Variants in CSMD3 observed in about 807,000 individuals in gnomAD.
CSMD3 encodes CUB and Sushi multiple domains 3.
Under a neutral mutation model 435.2 loss-of-function variants are expected in CSMD3, and 177 were observed. The ratio of observed to expected loss-of-function variants is 0.41; its 90% CI spans 0.36 to 0.46. The LOEUF (loss-of-function observed/expected upper bound fraction) is 0.46, where lower values mean the gene tolerates loss of function less well. Among genes scored for constraint, CSMD3 ranks in the 20% least tolerant of loss-of-function variants. CSMD3 has a pLI of 0.34. For synonymous variants in CSMD3, 1,656 were observed against 1,520.5 expected, an observed-to-expected ratio of 1.09 and a Z score of -2.07; for missense variants, 4,265 against 4,504.6, an observed-to-expected ratio of 0.95 and a Z score of 1.52.
At chr8:112,432,565 G>A (rs541405541) in intron 32 of CSMD3, among the ~76,000 whole-genome samples, 1 of 151,958 alleles carries the variant, frequency 6.6e-6, no homozygotes, top group East Asian at 1.9e-4. Flanking sequence ...CTCCTGCCTT[G>A]TCCACCCAAA....
At chr8:112,650,076 T>C (rs2075085487) in intron 19 of CSMD3, 85 bp downstream of exon 19, 5 of 961,610 alleles carry the variant, frequency 5.2e-6, no homozygotes, top group South Asian at 1.4e-5. Flanking sequence ...AAAATATTTA[T>C]AATTATGTTA....
At chr8:113,116,326 A>G (rs914830129) in intron 4 of CSMD3, among the ~76,000 whole-genome samples, 4 of 152,068 alleles carry the variant, frequency 2.6e-5, no homozygotes, top group African/African-American at 9.7e-5. Flanking sequence ...ATGGTTATAT[A>G]AGGAGTTTAT....
At chr8:112,359,958 T>C (rs899420961) in intron 38 of CSMD3, among the ~76,000 whole-genome samples, 1 of 152,092 alleles carries the variant, frequency 6.6e-6, no homozygotes, top group Non-Finnish European at 1.5e-5. Context: ...TAAGAAGAGA[T>C]AGAAATTGCC....
At chr8:112,840,897 T>C (rs2080159716) in intron 11 of CSMD3, among the ~76,000 whole-genome samples, 1 of 151,726 alleles carries the variant, frequency 6.6e-6, no homozygotes, top group East Asian at 1.9e-4. Flanking sequence ...AAAATATGAC[T>C]CTTTACCAGC....
intron 1 of CSMD3, among the ~76,000 whole-genome samples, chr8:113,413,519 C>T (rs2094568624): frequency 1.3e-5 from 2 of 152,030 alleles, no homozygotes; most frequent in Non-Finnish European, 2.9e-5. Flanking sequence ...TAATGGGAAA[C>T]CTGGGATTTT....
At chr8:113,119,646 TGAC>T (rs551234044) in intron 4 of CSMD3, among the ~76,000 whole-genome samples, 21 of 152,260 alleles carry the variant, frequency 1.4e-4, no homozygotes, top group African/African-American at 4.8e-4. Context: ...GAAGAATACA[TGAC>T]AACAATAAAC....
At position 112,348,342 on chromosome 8, in the gene CSMD3, G is replaced by T. The variant is rs6995979; in HGVS notation, c.6326-2129C>A. Among the ~76,000 whole-genome samples, 855 of 152,212 alleles carry T rather than the reference G, an allele frequency of 5.6e-3. 10 individuals carry two copies. Among genetic ancestry groups the T allele is most frequent in the African/African-American group, 0.019 (803 of 41,526 alleles). On this transcript the variant is annotated intron_variant, in intron 40 of 70. Coordinates refer to ENST00000297405, the MANE Select transcript of CSMD3 (RefSeq NM_198123.2). ...CAACTTCTGTTTTTTCATCTTAGTT[G>T]TCTCTAATATCTAAAATCTCACATA... is the stretch of plus-strand genomic sequence containing the variant.
intron 2 of CSMD3, among the ~76,000 whole-genome samples, chr8:113,290,501 T>C (rs2093678870): frequency 6.6e-6 from 1 of 151,698 alleles, no homozygotes. Flanking sequence ...CCAATAACAC[T>C]TTCTTATAAA....
chr8:112,475,472 A>G (rs2130770907), intron 31 of CSMD3, among the ~76,000 whole-genome samples: 1 of 152,230 alleles, frequency 6.6e-6, no homozygotes, highest in African/African-American at 2.4e-5. Context: ...ATGAGTGCCT[A>G]CAGCGTGGCC....
At chr8:112,712,795 T>TAA (rs200364867) in intron 13 of CSMD3, among the ~76,000 whole-genome samples, 9 of 137,766 alleles carry the variant, frequency 6.5e-5, no homozygotes, top group African/African-American at 1.8e-4. Flanking sequence ...GAATCAAAAA[T>TAA]AAAAAAAAAA....
intron 1 of CSMD3, among the ~76,000 whole-genome samples, chr8:113,421,908 C>T (rs1056864179): frequency 2.0e-5 from 3 of 152,138 alleles, no homozygotes; most frequent in Non-Finnish European, 2.9e-5. Context: ...TGCCCAAGGA[C>T]AGGTTTGAGT....
intron 12 of CSMD3, among the ~76,000 whole-genome samples, chr8:112,813,131 C>T (rs1487246826): frequency 1.3e-5 from 2 of 152,060 alleles, no homozygotes; most frequent in Non-Finnish European, 2.9e-5. Context: ...GGCGGCTGAC[C>T]ACAGTGAGTG....
At chr8:112,797,441 A>G (rs1036477400) in intron 13 of CSMD3, among the ~76,000 whole-genome samples, 2 of 151,916 alleles carry the variant, frequency 1.3e-5, no homozygotes, top group East Asian at 1.9e-4. Flanking sequence ...GTAAAACACA[A>G]TTTAGGAATA....
chr8:113,376,993 G>A (rs1229142726), intron 1 of CSMD3: 12 of 1,120,260 alleles, frequency 1.1e-5, no homozygotes, highest in Admixed American at 6.7e-5. Context: ...GACCAGCCGG[G>A]CCCGCAGCCA....
At chr8:113,139,310 T>G (rs28624650) in intron 4 of CSMD3, among the ~76,000 whole-genome samples, 22,853 of 150,880 alleles carry the variant, frequency 0.15, 3,348 homozygotes, top group African/African-American at 0.38. Context: ...TACCTTGAAT[T>G]TTTTAAATTA....
intron 32 of CSMD3, among the ~76,000 whole-genome samples, chr8:112,413,398 T>C (rs1811564397): frequency 6.6e-6 from 1 of 152,370 alleles, no homozygotes; most frequent in South Asian, 2.1e-4. Context: ...TTCTATTCTC[T>C]ATCAAACCCT....
intron 32 of CSMD3, among the ~76,000 whole-genome samples, chr8:112,469,569 A>T (rs535482894): frequency 6.6e-6 from 1 of 152,164 alleles, no homozygotes; most frequent in Non-Finnish European, 1.5e-5. Flanking sequence ...TCAGATCATC[A>T]GGCATTAGTT....
chr8:113,264,490 C>A (rs1212801417), intron 3 of CSMD3, among the ~76,000 whole-genome samples: 1 of 150,866 alleles, frequency 6.6e-6, no homozygotes, highest in African/African-American at 2.4e-5. Context: ...GAAATAAAGC[C>A]TTTTATGCCA....
At position 113,092,707 on chromosome 8, in the gene CSMD3, T is replaced by C. The variant is rs112376020; in HGVS notation, c.917+6049A>G. Among the ~76,000 whole-genome samples the C allele has an allele frequency of 8.6e-3, 1,310 of 152,196 alleles. 23 individuals are homozygous for C. Among genetic ancestry groups the C allele is most frequent in the African/African-American group, 0.03 (1,230 of 41,558 alleles). On this transcript the variant is annotated intron_variant, in intron 5 of 70. Coordinates refer to ENST00000297405, the MANE Select transcript of CSMD3 (RefSeq NM_198123.2). Reference sequence around the variant, plus strand: ...TTAATGGCTCAACTTGAACAAGATATGATCTTGGGAATGAAAGTAACCTAC... The same window carrying C: ...TTAATGGCTCAACTTGAACAAGATACGATCTTGGGAATGAAAGTAACCTAC...
Sources: gnomAD v4.1 joint callset for allele counts (sites outside exome capture counted in the v4.1 genomes callset) on GRCh38, gnomAD v4.1.1 for gene constraint, MANE v1.5 for transcripts, NCBI Gene and HGNC (gene_info 2026-07-23, HGNC 2026-07-21) for gene names.